AMMECR1L: variants seen among roughly 807,000 people sequenced by gnomAD.
AMMECR1L encodes AMMECR1-like protein.
Under a neutral mutation model 36.8 loss-of-function variants are expected in AMMECR1L, and 4 were observed. The ratio of observed to expected loss-of-function variants is 0.11; its 90% CI spans 0.05 to 0.25. The LOEUF (loss-of-function observed/expected upper bound fraction) is 0.25, where lower values mean the gene tolerates loss of function less well. Among genes scored for constraint, AMMECR1L ranks in the 10% least tolerant of loss-of-function variants. The pLI is 1.00. For synonymous variants in AMMECR1L, 147 were observed against 148.0 expected (o/e 0.99, Z 0.05); for missense variants, 232 against 392.1 (o/e 0.59, Z 3.45).
Position 127,871,391 on chromosome 2 carries a change from G to C in AMMECR1L, c.408-32C>G. On this transcript the variant is annotated intron_variant, in intron 3 of 7. Coordinates refer to ENST00000272647, the MANE Select transcript of AMMECR1L (RefSeq NM_001199140.2). This position sits in a 1 kb window ranked among gnomAD's most constrained non-coding sequence, Gnocchi z 4.3. Reference sequence around the variant, plus strand: ...AAAGCAAAACACAAAACATTCTCCAGCCCCAAATTAATCATGGATAAGAAC... The same window carrying C: ...AAAGCAAAACACAAAACATTCTCCACCCCCAAATTAATCATGGATAAGAAC... The C allele has an allele frequency of 1.3e-6, 2 of 1,596,170 alleles. No homozygotes were observed.
In AMMECR1L at chr2:127,874,278, C is replaced by A; in HGVS notation, c.-38-6G>T. ...GTCTGGAATGCTGCAGAACCCTAAC[C>A]AAAATGAGAAGTTAAGCATTAATTT... On this transcript the variant is annotated splice_region_variant and splice_polypyrimidine_tract_variant and intron_variant, in intron 2 of 7. Transcript: ENST00000272647. The surrounding 1 kb of genome is among the most constrained non-coding windows in gnomAD (Gnocchi z 5.2). 1.9e-6 allele frequency: 3 copies of A among 1,590,666 alleles called. No individual in the cohort carries two copies. The highest frequency in any genetic ancestry group is 2.6e-6 in the Non-Finnish European group (3 of 1,174,120).
intron 2 of AMMECR1L, among the ~76,000 whole-genome samples, chr2:127,880,547 T>A (rs1309699871): frequency 2.0e-5 from 3 of 152,130 alleles, no homozygotes; most frequent in African/African-American, 7.2e-5. Context: ...CCACCTGATG[T>A]ACACACTCAA....
chr2:127,865,276 A>C lies in AMMECR1L; in HGVS notation c.822-71T>G. 1.9e-6 allele frequency: 2 copies of C among 1,038,072 alleles called. No homozygotes were observed. The highest frequency in any genetic ancestry group is 3.3e-5 in the South Asian group (2 of 60,038). 64.3% of individuals were successfully genotyped at this position (1,038,072 alleles called of 1,614,324 possible). ...ATTTTGTAAAGTCACTCAGCAGAGA[A>C]AAACCAAAAGCTTATTCCACATTTT... On this transcript the variant is annotated intron_variant, in intron 7 of 7. Transcript: ENST00000272647. This position sits in a 1 kb window ranked among gnomAD's most constrained non-coding sequence, Gnocchi z 5.4.
At chr2:127,872,836 C>G in intron 3 of AMMECR1L, 2 of 272,926 alleles carry the variant, frequency 7.3e-6, no homozygotes, top group Non-Finnish European at 1.1e-5. Flanking sequence ...CTTGGGATCT[C>G]CACCTGCTCA....
rs1254643799 is a variant in AMMECR1L, at chr2:127,871,139, A to T, written c.518+110T>A. On this transcript the variant is annotated intron_variant, in intron 4 of 7. Coordinates refer to ENST00000272647, the MANE Select transcript of AMMECR1L (RefSeq NM_001199140.2). This position sits in a 1 kb window ranked among gnomAD's most constrained non-coding sequence, Gnocchi z 4.3. ...CAGATTAAGCCCCTTACATTTCCTG[A>T]TTACCAAAAAGAGAAAGCTCAACGT... 1 of 1,239,178 alleles carries T rather than the reference A, an allele frequency of 8.1e-7. No homozygotes were observed. The highest frequency in any genetic ancestry group is 1.1e-6 in the Non-Finnish European group (1 of 881,800). 76.8% of individuals were successfully genotyped at this position (1,239,178 alleles called of 1,614,324 possible). A position where few individuals can be genotyped will look rare whatever the true frequency, so the allele number is the denominator to read the frequency against.
At position 127,869,667 on chromosome 2, in the gene AMMECR1L, C is replaced by T. The variant is rs1690869308; in HGVS notation, c.634-123G>A. The T allele has an allele frequency of 1.3e-6, 1 of 789,460 alleles. No homozygotes were observed. 48.9% of individuals were successfully genotyped at this position (789,460 alleles called of 1,614,324 possible). ...CACAGGCCTGGAAAAGGGAGACCTT[C>T]TCGCATTTCATGACTAATTCTATCT... On this transcript the variant is annotated intron_variant, in intron 5 of 7. Coordinates refer to ENST00000272647, the MANE Select transcript of AMMECR1L (RefSeq NM_001199140.2). This position sits in a 1 kb window ranked among gnomAD's most constrained non-coding sequence, Gnocchi z 4.7.
chr2:127,885,324 G>A, intron 1 of AMMECR1L: 1 of 984,916 alleles, frequency 1.0e-6, no homozygotes, highest in Non-Finnish European at 1.2e-6. Context: ...AGGGTCCGGG[G>A]CGCTGGGGAG....
intron 2 of AMMECR1L, among the ~76,000 whole-genome samples, chr2:127,881,787 T>C (rs1321004143): frequency 6.6e-6 from 1 of 152,198 alleles, no homozygotes; most frequent in Non-Finnish European, 1.5e-5. Context: ...CTAATACAAT[T>C]CCATTAAGAA....
rs1691092169 is a variant in AMMECR1L, at chr2:127,873,609, A to T, written c.407+219T>A. 1.0e-6 allele frequency: 1 copy of T among 985,456 alleles called. No individual in the cohort carries two copies. Among genetic ancestry groups the T allele is most frequent in the African/African-American group, 1.7e-5 (1 of 57,358 alleles). 61.0% of individuals were successfully genotyped at this position (985,456 alleles called of 1,614,324 possible). A position where few individuals can be genotyped will look rare whatever the true frequency, so the allele number is the denominator to read the frequency against. ...TTGATTTCCAGAACATTACTTTAAC[A>T]ACAAGCCTACAGCCTCCTCCAAATG... On this transcript the variant is annotated intron_variant, in intron 3 of 7. Coordinates refer to ENST00000272647, the MANE Select transcript of AMMECR1L (RefSeq NM_001199140.2). This position sits in a 1 kb window ranked among gnomAD's most constrained non-coding sequence, Gnocchi z 5.2.
chr2:127,880,531 T>G (rs1256924788), intron 2 of AMMECR1L, among the ~76,000 whole-genome samples: 1 of 152,068 alleles, frequency 6.6e-6, no homozygotes, highest in Non-Finnish European at 1.5e-5. Context: ...GGACGTTCTC[T>G]CTTCTCCACC....
intron 2 of AMMECR1L, among the ~76,000 whole-genome samples, chr2:127,876,269 G>C (rs1293225576): frequency 6.6e-6 from 1 of 151,194 alleles, no homozygotes; most frequent in Non-Finnish European, 1.5e-5. Context: ...AGGATTGCCT[G>C]AGCCCAGGGG....
At position 127,862,874 on chromosome 2, in the gene AMMECR1L, AAATAAAATAAAATAAAAT is replaced by A. The variant is rs1387172679; in HGVS notation, c.*2202_*2219del. On this transcript the variant is annotated 3_prime_UTR_variant, in exon 8 of 8. Transcript: ENST00000272647. ...TATCGTACCCCCCCTCGATAAAATA[AAATAAAATAAAATAAAAT>A]AATAAAATAAAATAACATACCATAC... 5 of 146,712 alleles carry A rather than the reference AAATAAAATAAAATAAAAT, an allele frequency of 3.4e-5. No individual in the cohort carries two copies. The East Asian group carries it at 5.8e-4, about 17-fold the overall frequency. 9.1% of individuals were successfully genotyped at this position (146,712 alleles called of 1,614,324 possible). A position where few individuals can be genotyped will look rare whatever the true frequency, so the allele number is the denominator to read the frequency against.
In AMMECR1L at chr2:127,869,615, A is replaced by G. The variant is rs1345169324; in HGVS notation, c.634-71T>C. 8 of 1,277,080 alleles carry G rather than the reference A, an allele frequency of 6.3e-6. No individual in the cohort carries two copies. Among genetic ancestry groups the G allele is most frequent in the Non-Finnish European group, 9.1e-6 (8 of 875,882 alleles). The allele number at this position is 1,277,080 out of a possible 1,614,324, so 79.1% of individuals were successfully genotyped here. A position where few individuals can be genotyped will look rare whatever the true frequency, so the allele number is the denominator to read the frequency against. On this transcript the variant is annotated intron_variant, in intron 5 of 7. Transcript: ENST00000272647. This position sits in a 1 kb window ranked among gnomAD's most constrained non-coding sequence, Gnocchi z 4.7. The stretch of plus-strand genomic sequence containing the variant: ...ATGGAACTTCAGTCCCCACATATAA[A>G]TCAACATTGTTCCCTGACCAGCTTA...
In AMMECR1L at chr2:127,863,867, A is replaced by G. The variant is rs1690570164; in HGVS notation, c.*1227T>C. 1 of 152,592 alleles carries G rather than the reference A, an allele frequency of 6.6e-6. No individual in the cohort carries two copies. 9.5% of individuals were successfully genotyped at this position (152,592 alleles called of 1,614,324 possible). On this transcript the variant is annotated 3_prime_UTR_variant, in exon 8 of 8. Coordinates refer to ENST00000272647, the MANE Select transcript of AMMECR1L (RefSeq NM_001199140.2). ...GACAGCGATTTGGAAATCAGCAACA[A>G]TGGGAAAGGGAAATATGTCACATGA...
At chr2:127,880,788 A>ACC (rs1001436578) in intron 2 of AMMECR1L, among the ~76,000 whole-genome samples, 1 of 151,560 alleles carries the variant, frequency 6.6e-6, no homozygotes, top group Non-Finnish European at 1.5e-5. Flanking sequence ...ACACACACAC[A>ACC]CACACACACA....
Position 127,871,961 on chromosome 2 carries a change from G to C in AMMECR1L, c.408-602C>G, listed in dbSNP as rs1006045915. On this transcript the variant is annotated intron_variant, in intron 3 of 7. Coordinates refer to ENST00000272647, the MANE Select transcript of AMMECR1L (RefSeq NM_001199140.2). This position sits in a 1 kb window ranked among gnomAD's most constrained non-coding sequence, Gnocchi z 4.3. ...CCCAGCACTTTGGGAGGCCAAGGTG[G>C]GCGGATCACTTGAGGTAAGGAGTTC... Among the ~76,000 whole-genome samples, 1 of 152,140 alleles carries C rather than the reference G, an allele frequency of 6.6e-6. No individual in the cohort carries two copies. The highest frequency in any genetic ancestry group is 2.4e-5 in the African/African-American group (1 of 41,426).
At position 127,865,485 on chromosome 2, in the gene AMMECR1L, G is replaced by C. The variant is rs1372267201; in HGVS notation, c.822-280C>G. Among the ~76,000 whole-genome samples, 4 of 152,002 alleles carry C rather than the reference G, an allele frequency of 2.6e-5. No homozygotes were observed. Among genetic ancestry groups the C allele is most frequent in the Non-Finnish European group, 5.9e-5 (4 of 68,008 alleles). On this transcript the variant is annotated intron_variant, in intron 7 of 7. Transcript: ENST00000272647. This position sits in a 1 kb window ranked among gnomAD's most constrained non-coding sequence, Gnocchi z 5.4. ...GTGCTTATCATCAGGCTGCTCGTAAGCAATCCGCTACTGGGGTCTGGATGA... is the reference window on the plus strand; with the variant it reads ...GTGCTTATCATCAGGCTGCTCGTAACCAATCCGCTACTGGGGTCTGGATGA...
At chr2:127,867,763 G>A (rs573461453) in intron 6 of AMMECR1L, among the ~76,000 whole-genome samples, 2 of 152,006 alleles carry the variant, frequency 1.3e-5, no homozygotes, top group Non-Finnish European at 2.9e-5. Context: ...AAATAAAAAG[G>A]GAAAGACAGG....
At chr2:127,881,311 C>T (rs962514596) in intron 2 of AMMECR1L, among the ~76,000 whole-genome samples, 2 of 103,356 alleles carry the variant, frequency 1.9e-5, no homozygotes, top group African/African-American at 5.2e-5. Flanking sequence ...ATTTACAAAC[C>T]AGGTATTGAG....
Sources: allele counts gnomAD v4.1 joint callset (sites outside exome capture counted in the v4.1 genomes callset), GRCh38; gene constraint gnomAD v4.1.1; non-coding constraint Gnocchi (gnomAD v3.1); transcripts MANE v1.5; gene names NCBI Gene and HGNC (gene_info 2026-07-23, HGNC 2026-07-21).